The following RAB29 variants were observed in gnomAD, a reference collection of about 807,000 sequenced individuals.
The protein encoded by RAB29 is ras-related protein Rab-29.
In RAB29, 13 loss-of-function variants were observed where a neutral mutation model predicts 25.5. The ratio of observed to expected loss-of-function variants is 0.51; its 90% CI spans 0.33 to 0.81. RAB29 has a LOEUF of 0.81. Among genes scored for constraint, RAB29 ranks in the 30% least tolerant of loss-of-function variants. The pLI is 0.02. For synonymous variants in RAB29, 88 were observed against 95.0 expected (o/e 0.93, Z 0.43); for missense variants, 201 against 254.9 (o/e 0.79, Z 1.44).
intron 5 of RAB29, 139 bp from the exon 6 acceptor site, chr1:205,770,592 A>C: frequency 6.9e-7 from 1 of 1,447,626 alleles, no homozygotes; most frequent in Non-Finnish European, 9.5e-7. Flanking sequence ...TATCTCAGGA[A>C]AGACAGTATC....
In RAB29 at chr1:205,770,084, T is replaced by C; in HGVS notation, c.*258A>G. The C allele has an allele frequency of 2.0e-6, 1 of 507,450 alleles. No individual in the cohort carries two copies. The highest frequency in any genetic ancestry group is 3.5e-6 in the Non-Finnish European group (1 of 282,550). The allele number at this position is 507,450 out of a possible 1,614,324, so 31.4% of individuals were successfully genotyped here. ...TCTCATAAAATTCCGGATCACAAAT[T>C]GAGGGCTGATGAGAAGATCTTACAC... On this transcript the variant is annotated 3_prime_UTR_variant, in exon 6 of 6. Coordinates refer to ENST00000367139, the MANE Select transcript of RAB29 (RefSeq NM_003929.3).
In RAB29 at chr1:205,770,413, TATC is replaced by T. The variant is rs753557370; in HGVS notation, c.538_540del (p.Asp180del). The T allele has an allele frequency of 6.2e-7, 1 of 1,614,230 alleles. No homozygotes were observed. The highest frequency in any genetic ancestry group is 8.5e-7 in the Non-Finnish European group (1 of 1,180,024). Reference sequence around the variant, plus strand: ...TCCCCTTGGGTGGACAAAGACATGATATCTTCTGTGGAATTTCTCATCATCTTT... The same window carrying T: ...TCCCCTTGGGTGGACAAAGACATGATTTCTGTGGAATTTCTCATCATCTTT... On this transcript the variant is annotated inframe_deletion, in exon 6 of 6. Transcript: ENST00000367139.
intron 4 of RAB29, 47 bp from the exon 5 acceptor site, chr1:205,770,901 C>A (rs762397929): frequency 3.1e-6 from 5 of 1,606,870 alleles, no homozygotes; most frequent in African/African-American, 1.3e-5. Context: ...CTTCCTGCAA[C>A]TAAGAAAGAA....
chr1:205,770,303 G>A lies in RAB29; in HGVS notation c.*39C>T. On this transcript the variant is annotated 3_prime_UTR_variant, in exon 6 of 6. Coordinates refer to ENST00000367139, the MANE Select transcript of RAB29 (RefSeq NM_003929.3). ...GCAACCAAAGGGAAGAGACTTAAAA[G>A]ACCTCCCAGAACTGGGATGGAAAAT... 6.5e-7 allele frequency: 1 copy of A among 1,538,244 alleles called. No individual in the cohort carries two copies.
At position 205,773,811 on chromosome 1, in the gene RAB29, G is replaced by A. The variant is rs1297709848; in HGVS notation, c.124+1022C>T. On this transcript the variant is annotated intron_variant, in intron 2 of 5. Coordinates refer to ENST00000367139, the MANE Select transcript of RAB29 (RefSeq NM_003929.3). ...ATGAACCACGGTACTGGGCCCTACTGGGGGTTCTTAAGGAGAATGTTTTAA... is the reference window on the plus strand; with the variant it reads ...ATGAACCACGGTACTGGGCCCTACTAGGGGTTCTTAAGGAGAATGTTTTAA... Among the ~76,000 whole-genome samples, 6 of 152,082 alleles carry A rather than the reference G, an allele frequency of 3.9e-5. No homozygotes were observed. The East Asian group carries it at 5.8e-4, about 15-fold the overall frequency.
intron 2 of RAB29, 41 bp downstream of exon 2, chr1:205,774,792 T>TCCAACAGCC: frequency 7.8e-7 from 1 of 1,287,998 alleles, no homozygotes; most frequent in Non-Finnish European, 1.1e-6. Flanking sequence ...GGTCGGGGCC[T>TCCAACAGCC]CCTCCTCCCC....
chr1:205,772,286 C>T (rs981322478), intron 3 of RAB29, among the ~76,000 whole-genome samples: 5 of 152,072 alleles, frequency 3.3e-5, no homozygotes, highest in African/African-American at 1.2e-4. Flanking sequence ...CTTGCCAGCC[C>T]CTCCATCCAC....
In RAB29 at chr1:205,770,362, A is replaced by C. The variant is rs1422068985; in HGVS notation, c.592T>G (p.Ser198Ala). The change falls in exon 6 of 6, where the codon TCC (serine) becomes GCC (alanine). Residue 198 changes from serine (S) to alanine (A), a missense_variant. Coordinates refer to ENST00000367139, the MANE Select transcript of RAB29 (RefSeq NM_003929.3). ...GDYINLQTKS[S>A]SWSCC ...CACTACTAGCAGCAGGACCAGCTGG[A>C]GGACTTGGTTTGTAGATTGATGTAG... 6.2e-7 allele frequency: 1 copy of C among 1,613,672 alleles called. No homozygotes were observed. The highest frequency in any genetic ancestry group is 1.3e-5 in the African/African-American group (1 of 74,918).
intron 2 of RAB29, among the ~76,000 whole-genome samples, chr1:205,773,539 C>T (rs184097558): frequency 4.0e-4 from 61 of 152,252 alleles, no homozygotes; most frequent in South Asian, 8.3e-4. Flanking sequence ...GTTTTTGAGA[C>T]AGGGTCTCAC....
At position 205,770,450 on chromosome 1, in the gene RAB29, G is replaced by A. The variant is rs777543684; in HGVS notation, c.504C>T (p.Val168=). 6.2e-7 allele frequency: 1 copy of A among 1,612,532 alleles called. No homozygotes were observed. The highest frequency in any genetic ancestry group is 8.5e-7 in the Non-Finnish European group (1 of 1,178,598). Residue 168 remains valine (V), a synonymous_variant, in exon 6 of 6, where the codon GTC becomes GTT. Transcript: ENST00000367139. The part of the protein sequence containing the change: ...ENKNINEAMR[V]LIEKMMRNST... Reference sequence around the variant, plus strand: ...AATTTCTCATCATCTTTTCAATGAGGACTCTAAAAGACAAAAAATAAGCCT... The same window carrying A: ...AATTTCTCATCATCTTTTCAATGAGAACTCTAAAAGACAAAAAATAAGCCT...
rs748271705 is a variant in RAB29 at position 205,771,478 on chromosome 1, G to A, written c.372C>T (p.Ala124=). ...TCTGAGATTGGCCACATACCTTGTT[G>A]GCCAAGAGCAGGCAGGGCACCGGCT... ...NGEPVPCLLL[A]NKCDLSPWAV... Residue 124 remains alanine (A), a synonymous_variant, in exon 4 of 6, where the codon GCC becomes GCT. Transcript: ENST00000367139. 2.5e-6 allele frequency: 4 copies of A among 1,613,984 alleles called. No individual in the cohort carries two copies. The South Asian group carries it at 4.4e-5, about 18-fold the overall frequency.
At position 205,771,592 on chromosome 1, in the gene RAB29, A is replaced by G; in HGVS notation, c.258T>C (p.Ile86=). 2.5e-6 allele frequency: 4 copies of G among 1,614,126 alleles called. No homozygotes were observed. The highest frequency in any genetic ancestry group is 1.1e-5 in the South Asian group (1 of 91,072). ...LYYRDASACV[I]MFDVTNATTF... ...TAGTGGCATTGGTAACGTCAAACATAATAACACAGGCAGAGGCATCCCGAT... is the reference window on the plus strand; with the variant it reads ...TAGTGGCATTGGTAACGTCAAACATGATAACACAGGCAGAGGCATCCCGAT... Residue 86 remains isoleucine, a synonymous_variant, in exon 4 of 6, where the codon ATT becomes ATC. Transcript: ENST00000367139.
intron 4 of RAB29, 149 bp from the exon 5 acceptor site, chr1:205,771,003 A>G (rs982273455): frequency 1.5e-5 from 18 of 1,169,570 alleles, no homozygotes; most frequent in Admixed American, 6.8e-5. Context: ...CTTCCCAAAG[A>G]AAGTCTCACC....
chr1:205,774,717 C>G (rs1264037626), intron 2 of RAB29, 116 bp downstream of exon 2: 6 of 1,141,560 alleles, frequency 5.3e-6, no homozygotes, highest in African/African-American at 4.6e-5. Context: ...ACTTCCTGAC[C>G]CGAAGAAGGA....
rs1654873083 is a variant in RAB29, at chr1:205,769,380, G to A, written c.*962C>T. 6.6e-6 allele frequency: 1 copy of A among 152,138 alleles called. No individual in the cohort carries two copies. The highest frequency in any genetic ancestry group is 2.1e-4 in the South Asian group (1 of 4,826). The allele number at this position is 152,138 out of a possible 1,614,324, so 9.4% of individuals were successfully genotyped here. On this transcript the variant is annotated 3_prime_UTR_variant, in exon 6 of 6. Transcript: ENST00000367139. ...TATCATGAGGATTAAGCTCTTTGTG[G>A]AAGAAAATGCTTTCATTGCATGAGA...
At chr1:205,770,993 C>T (rs893797724) in intron 4 of RAB29, 139 bp from the exon 5 acceptor site, 36 of 1,224,514 alleles carry the variant, frequency 2.9e-5, no homozygotes, top group Middle Eastern at 2.1e-4. Context: ...AATCAACATT[C>T]TTCCCAAAGA....
At chr1:205,774,794 C>CGGCGG in intron 2 of RAB29, 39 bp downstream of exon 2, 2 of 1,419,272 alleles carry the variant, frequency 1.4e-6, no homozygotes, top group Non-Finnish European at 1.9e-6. Context: ...TCGGGGCCTC[C>CGGCGG]TCCTCCCCCT....
intron 5 of RAB29, 61 bp downstream of exon 5, chr1:205,770,672 G>A: frequency 6.2e-7 from 1 of 1,607,108 alleles, no homozygotes; most frequent in Non-Finnish European, 8.5e-7. Context: ...AGAAAAGAGG[G>A]TCCACAGGGC....
Position 205,768,537 on chromosome 1 carries a change from G to GTTT in RAB29, c.*1802_*1804dup, listed in dbSNP as rs56129364. 10 of 144,268 alleles carry GTTT rather than the reference G, an allele frequency of 6.9e-5. No homozygotes were observed. The highest frequency in any genetic ancestry group is 7.6e-5 in the African/African-American group (3 of 39,398). 8.9% of individuals were successfully genotyped at this position (144,268 alleles called of 1,614,324 possible). ...GGGACCCAAAAATCTTTTTCTTTTT[G>GTTT]TTTTTTTTTTTTGGAGATGGAGTTT... is the stretch of plus-strand genomic sequence containing the variant. On this transcript the variant is annotated 3_prime_UTR_variant, in exon 6 of 6. Coordinates refer to ENST00000367139, the MANE Select transcript of RAB29 (RefSeq NM_003929.3).
Sources: gnomAD v4.1 joint callset for allele counts (sites outside exome capture counted in the v4.1 genomes callset) on GRCh38, gnomAD v4.1.1 for gene constraint, MANE v1.5 for transcripts, NCBI Gene and HGNC (gene_info 2026-07-23, HGNC 2026-07-21) for gene names.